Variants in GPR176 observed in about 807,000 individuals in gnomAD.
GPR176 encodes the protein G-protein coupled receptor 176.
GPR176 carries 26 observed loss-of-function variants against 35.4 expected under a neutral mutation model. That is an observed-to-expected ratio of 0.74 (90% CI 0.54 to 1.02). The LOEUF (loss-of-function observed/expected upper bound fraction) is 1.02. Ranked by LOEUF, GPR176 falls within the 50% of genes least tolerant of loss-of-function variation. GPR176 has a pLI of 0.00. For synonymous variants in GPR176, 278 were observed against 271.3 expected (o/e 1.02, Z -0.24); for missense variants, 597 against 665.3 (o/e 0.90, Z 1.13).
chr15:39,820,305 TC>T (rs5812141), intron 1 of GPR176, among the ~76,000 whole-genome samples: 98,619 of 151,364 alleles, frequency 0.65, 32,202 homozygotes, highest in Admixed American at 0.71. Context: ...TGATGGATCA[TC>T]GAAGGTCACA....
At chr15:39,872,326 C>G (rs2032073130) in intron 1 of GPR176, among the ~76,000 whole-genome samples, 1 of 152,094 alleles carries the variant, frequency 6.6e-6, no homozygotes, top group South Asian at 2.1e-4. Context: ...GGAGAGAAAG[C>G]TAAACATACA....
At chr15:39,829,889 T>C (rs1204761924) in intron 1 of GPR176, among the ~76,000 whole-genome samples, 2 of 152,174 alleles carry the variant, frequency 1.3e-5, no homozygotes, top group Non-Finnish European at 1.5e-5. Context: ...TATGTGTTAA[T>C]TGGAAAGTAT....
At chr15:39,899,779 A>G (rs959100921) in intron 1 of GPR176, among the ~76,000 whole-genome samples, 1 of 152,202 alleles carries the variant, frequency 6.6e-6, no homozygotes, top group Non-Finnish European at 1.5e-5. Flanking sequence ...GACAAAATGT[A>G]TTAAAGTCTT....
intron 1 of GPR176, among the ~76,000 whole-genome samples, chr15:39,845,125 C>A (rs916392888): frequency 2.0e-5 from 3 of 152,086 alleles, no homozygotes; most frequent in Non-Finnish European, 4.4e-5. Flanking sequence ...ACAGCACTCA[C>A]TGAGAGGCTA....
intron 1 of GPR176, among the ~76,000 whole-genome samples, chr15:39,817,202 T>C (rs1193556839): frequency 2.7e-5 from 4 of 150,126 alleles, no homozygotes. Flanking sequence ...GGAAAAAAAC[T>C]ATTCCATTTT....
At chr15:39,825,790 A>G (rs538063482) in intron 1 of GPR176, among the ~76,000 whole-genome samples, 18 of 152,298 alleles carry the variant, frequency 1.2e-4, no homozygotes, top group Middle Eastern at 3.4e-3. Flanking sequence ...ATTTTTGCCA[A>G]TCAGTGGATG....
intron 1 of GPR176, among the ~76,000 whole-genome samples, chr15:39,815,867 A>C (rs1224141058): frequency 6.6e-6 from 1 of 152,250 alleles, no homozygotes; most frequent in African/African-American, 2.4e-5. Context: ...TTGCAGCATT[A>C]TTCCCGATCA....
intron 1 of GPR176, among the ~76,000 whole-genome samples, chr15:39,865,812 A>C (rs574085631): frequency 2.0e-5 from 3 of 152,338 alleles, no homozygotes; most frequent in South Asian, 2.1e-4. Flanking sequence ...AAAATTTCAT[A>C]TGCATTTTCC....
intron 1 of GPR176, among the ~76,000 whole-genome samples, chr15:39,876,798 C>G (rs1367338793): frequency 6.6e-6 from 1 of 151,434 alleles, no homozygotes; most frequent in Non-Finnish European, 1.5e-5. Flanking sequence ...CACTGTACTC[C>G]AGAGCCAGAC....
intron 1 of GPR176, among the ~76,000 whole-genome samples, chr15:39,886,233 CA>C (rs199875897): frequency 3.3e-4 from 47 of 140,534 alleles, no homozygotes; most frequent in Non-Finnish European, 2.5e-4. Context: ...AATTCTGTCT[CA>C]AAAAAAAAAA....
chr15:39,908,684 C>A (rs2033493481), intron 1 of GPR176, among the ~76,000 whole-genome samples: 1 of 151,998 alleles, frequency 6.6e-6, no homozygotes, highest in Admixed American at 6.6e-5. Flanking sequence ...CTATATCTCA[C>A]CCTCACCTCT....
In GPR176 at chr15:39,809,177, C is replaced by G. The variant is rs1232034158; in HGVS notation, c.173-1919G>C. Among the ~76,000 whole-genome samples the G allele has an allele frequency of 5.3e-5, 8 of 152,322 alleles. No homozygotes were observed. In the East Asian group the frequency reaches 1.5e-3, roughly 29 times the overall value. On this transcript the variant is annotated intron_variant, in intron 1 of 2. Transcript: ENST00000561100. Reference sequence around the variant, plus strand: ...TTCCATCTATTTATATGCCTCTAGACAGCATGCAGAGCCTAATCTCTTCTG... The same window carrying G: ...TTCCATCTATTTATATGCCTCTAGAGAGCATGCAGAGCCTAATCTCTTCTG...
chr15:39,856,468 G>A (rs150444334), intron 1 of GPR176, among the ~76,000 whole-genome samples: 91 of 152,306 alleles, frequency 6.0e-4, no homozygotes, highest in African/African-American at 2.1e-3. Flanking sequence ...CTGGCTCAGC[G>A]TCTCTCAGGA....
rs1473927482 is a variant in GPR176, at chr15:39,801,467, T to A, written c.1213A>T (p.Ile405Leu). 2 of 1,613,940 alleles carry A rather than the reference T, an allele frequency of 1.2e-6. No homozygotes were observed. The highest frequency in any genetic ancestry group is 2.2e-5 in the East Asian group (1 of 44,888). ...TCTCCCTCCAGGCAGGTGCTAAATA[T>A]CTCCTTGGCCTGGAAGTCAGCTGAG... Reference protein sequence around the residue: ...IGSADFQAKEIFSTCLEGEQG... With the variant: ...IGSADFQAKELFSTCLEGEQG... The change falls in exon 3 of 3, where the codon ATA (isoleucine) becomes TTA (leucine). Residue 405 changes from isoleucine (I) to leucine (L), a missense_variant. Around this residue, in one of 3 missense-constraint regions of GPR176, gnomAD observed 251 missense variants for 255.4 expected, o/e 0.98. Transcript: ENST00000561100.
chr15:39,840,441 T>C (rs1595468830), intron 1 of GPR176, among the ~76,000 whole-genome samples: 3 of 152,118 alleles, frequency 2.0e-5, no homozygotes, highest in South Asian at 2.1e-4. Flanking sequence ...ATGAGAACAC[T>C]TGGACACAGG....
At chr15:39,890,469 TACGCCTTAGGCGC>T (rs2140858185) in intron 1 of GPR176, among the ~76,000 whole-genome samples, 1 of 152,352 alleles carries the variant, frequency 6.6e-6, no homozygotes, top group African/African-American at 2.4e-5. Context: ...GCTGAGGAGA[TACGCCTTAGGCGC>T]AGACCACTGG....
At chr15:39,813,119 T>C (rs1241233088) in intron 1 of GPR176, 2 of 152,228 alleles carry the variant, frequency 1.3e-5, no homozygotes, top group African/African-American at 4.8e-5. Context: ...TTGTCATACA[T>C]TTTACTTTTA....
At chr15:39,834,169 G>T (rs1229291407) in intron 1 of GPR176, among the ~76,000 whole-genome samples, 3 of 152,126 alleles carry the variant, frequency 2.0e-5, no homozygotes, top group Admixed American at 2.0e-4. Flanking sequence ...GGCAAAATTA[G>T]AACCCAAACC....
Position 39,801,643 on chromosome 15 carries a change from T to A in GPR176, c.1037A>T (p.Asn346Ile). 1 of 1,614,064 alleles carries A rather than the reference T, an allele frequency of 6.2e-7. No homozygotes were observed. Among genetic ancestry groups the A allele is most frequent in the Non-Finnish European group, 8.5e-7 (1 of 1,179,946 alleles). The change falls in exon 3 of 3, where the codon AAT (asparagine) becomes ATT (isoleucine). Residue 346 changes from asparagine (N) to isoleucine (I), a missense_variant. Transcript: ENST00000561100. ...VQLHHRYSRRNVVSTGSGMAE... is the reference protein window; with the variant it reads ...VQLHHRYSRRIVVSTGSGMAE... ...CATGCCACTCCCTGTACTGACCACA[T>A]TACGGCGACTGTACCGGTGGTGTAG...
Sources: allele counts gnomAD v4.1 joint callset (sites outside exome capture counted in the v4.1 genomes callset), GRCh38; gene constraint gnomAD v4.1.1; regional missense constraint gnomAD v4.1.1; transcripts MANE v1.5; gene names NCBI Gene and HGNC (gene_info 2026-07-23, HGNC 2026-07-21).